Variants in NGEF observed in about 807,000 individuals in gnomAD.
NGEF encodes neuronal guanine nucleotide exchange factor.
A neutral mutation model predicts 80.9 loss-of-function variants in NGEF; 31 were observed. That is an observed-to-expected ratio of 0.38 (90% CI 0.29 to 0.52). NGEF has a LOEUF of 0.52. Among genes scored for constraint, NGEF ranks in the 20% least tolerant of loss-of-function variants. The pLI is 0.84. For synonymous variants in NGEF, 371 were observed against 370.2 expected (o/e 1.00, Z -0.03); for missense variants, 709 against 926.2 (o/e 0.77, Z 3.04).
At chr2:232,985,587 A>C (rs1382757675) in intron 1 of NGEF, among the ~76,000 whole-genome samples, 1 of 151,800 alleles carries the variant, frequency 6.6e-6, no homozygotes, top group Non-Finnish European at 1.5e-5. Context: ...CCTGTCTCTA[A>C]TAAAAATACA....
rs1460230630 is a variant in NGEF, at chr2:232,927,823, C to T, written c.384-637G>A. On this transcript the variant is annotated intron_variant, in intron 3 of 14. Coordinates refer to ENST00000264051, the MANE Select transcript of NGEF (RefSeq NM_019850.3). Reference sequence around the variant, plus strand: ...AGGCCGCGCAGGGGGTGCCCGGGACCCCGGGCGCAAGCTGGGAAAGAGGCA... The same window carrying T: ...AGGCCGCGCAGGGGGTGCCCGGGACTCCGGGCGCAAGCTGGGAAAGAGGCA... The T allele has an allele frequency of 2.5e-5, 27 of 1,078,330 alleles. No individual in the cohort carries two copies. In the East Asian group the frequency reaches 7.0e-4, roughly 28 times the overall value. The allele number at this position is 1,078,330 out of a possible 1,614,324, so 66.8% of individuals were successfully genotyped here.
In NGEF at chr2:233,013,096, G is replaced by T. The variant is rs969987541; in HGVS notation, c.-103C>A. ...CCAGAGAGGAGCTCATAGGAGTTGG[G>T]CTTCCTCAGAGAGTGTTCCTCCCTC... is the stretch of plus-strand genomic sequence containing the variant. On this transcript the variant is annotated 5_prime_UTR_variant, in exon 1 of 15. Transcript: ENST00000264051. The T allele has an allele frequency of 4.2e-6, 2 of 471,012 alleles. No individual in the cohort carries two copies. The highest frequency in any genetic ancestry group is 8.8e-6 in the Non-Finnish European group (2 of 227,040). The allele number at this position is 471,012 out of a possible 1,614,324, so 29.2% of individuals were successfully genotyped here.
In NGEF at chr2:232,893,006, A is replaced by G; in HGVS notation, c.1034T>C (p.Ile345Thr). 1 of 1,613,408 alleles carries G rather than the reference A, an allele frequency of 6.2e-7. No individual in the cohort carries two copies. The highest frequency in any genetic ancestry group is 2.2e-5 in the East Asian group (1 of 44,876). The change falls in exon 7 of 15, where the codon ATC becomes ACC. Residue 345 changes from isoleucine (I) to threonine (T), a missense_variant. Physicochemically the swap from Ile to Thr is moderately conservative, Grantham distance 89. Coordinates refer to ENST00000264051, the MANE Select transcript of NGEF (RefSeq NM_019850.3). ...GTACACAATGTCACACACGTCAGAG[A>G]TGACGATGTTCTCCTCCATCCGGTG... The part of the protein sequence containing the change: ...LEHRMEENIV[I>T]SDVCDIVYRY...
intron 3 of NGEF, among the ~76,000 whole-genome samples, chr2:232,967,276 G>A (rs912305486): frequency 3.3e-5 from 5 of 152,114 alleles, no homozygotes; most frequent in African/African-American, 4.8e-5. Flanking sequence ...AGAAGCAGAT[G>A]CTGCCATATT....
rs557693775 is a variant in NGEF, at chr2:233,012,528, C to T, written c.-75+540G>A. On this transcript the variant is annotated intron_variant, in intron 1 of 14. Coordinates refer to ENST00000264051, the MANE Select transcript of NGEF (RefSeq NM_019850.3). The stretch of plus-strand genomic sequence containing the variant: ...CACTTCACGACTATGACTTCTGTTT[C>T]CCAAGTGCACTTCCTGACCCTGAGA... 54 of 233,116 alleles carry T rather than the reference C, an allele frequency of 2.3e-4. 1 individual carries two copies. The highest frequency in any genetic ancestry group is 1.3e-3 in the South Asian group (25 of 19,538). 14.4% of individuals were successfully genotyped at this position (233,116 alleles called of 1,614,324 possible).
chr2:232,924,656 G>C (rs1371089169), intron 4 of NGEF, among the ~76,000 whole-genome samples: 1 of 152,170 alleles, frequency 6.6e-6, no homozygotes, highest in Non-Finnish European at 1.5e-5. Context: ...GGCCCACCTG[G>C]AGGAGGCAAA....
chr2:232,966,431 C>T (rs1291969729), intron 3 of NGEF, among the ~76,000 whole-genome samples: 1 of 152,196 alleles, frequency 6.6e-6, no homozygotes, highest in African/African-American at 2.4e-5. Context: ...CCCTGCTCAG[C>T]CTTGGCCCTC....
intron 3 of NGEF, among the ~76,000 whole-genome samples, chr2:232,950,227 C>G (rs1438028347): frequency 6.6e-6 from 1 of 152,136 alleles, no homozygotes; most frequent in Non-Finnish European, 1.5e-5. Flanking sequence ...TATATTCTTT[C>G]TTTATGAATG....
At chr2:232,941,848 G>T (rs532619663) in intron 3 of NGEF, among the ~76,000 whole-genome samples, 1 of 152,052 alleles carries the variant, frequency 6.6e-6, no homozygotes, top group Non-Finnish European at 1.5e-5. Flanking sequence ...AAAGAATCAC[G>T]AATTCAACTT....
chr2:232,994,984 A>G, intron 1 of NGEF, among the ~76,000 whole-genome samples: 1 of 103,112 alleles, frequency 9.7e-6, no homozygotes, highest in Non-Finnish European at 2.3e-5. Flanking sequence ...ATATACATAT[A>G]TGTATAACTA....
At chr2:233,000,593 TAAA>T (rs1199229237) in intron 1 of NGEF, among the ~76,000 whole-genome samples, 1 of 151,366 alleles carries the variant, frequency 6.6e-6, no homozygotes, top group African/African-American at 2.4e-5. Flanking sequence ...CCGTCTCTAG[TAAA>T]AAAAATACAA....
At position 232,920,156 on chromosome 2, in the gene NGEF, CAACCCTGCCAGCGATTCCTCTGGTG is replaced by C; in HGVS notation, c.828+103_828+127del. 4 of 859,144 alleles carry C rather than the reference CAACCCTGCCAGCGATTCCTCTGGTG, an allele frequency of 4.7e-6. No individual in the cohort carries two copies. In the South Asian group the frequency reaches 6.7e-5, roughly 14 times the overall value. 53.2% of individuals were successfully genotyped at this position (859,144 alleles called of 1,614,324 possible). A position where few individuals can be genotyped will look rare whatever the true frequency, so the allele number is the denominator to read the frequency against. On this transcript the variant is annotated intron_variant, in intron 5 of 14. Coordinates refer to ENST00000264051, the MANE Select transcript of NGEF (RefSeq NM_019850.3). Reference sequence around the variant, plus strand: ...TATTTTTCTGCATGTTCTAGATGGACAACCCTGCCAGCGATTCCTCTGGTGAACCAGCCAGGGAACCTCACCCCCC... The same window carrying C: ...TATTTTTCTGCATGTTCTAGATGGACAACCAGCCAGGGAACCTCACCCCCC...
chr2:232,925,399 A>C (rs572034866), intron 4 of NGEF, among the ~76,000 whole-genome samples: 1 of 152,346 alleles, frequency 6.6e-6, no homozygotes, highest in East Asian at 1.9e-4. Flanking sequence ...CCCAGGAGCC[A>C]GGAAAAGACA....
chr2:232,891,770 A>G (rs1230969879), intron 7 of NGEF, among the ~76,000 whole-genome samples: 2 of 152,230 alleles, frequency 1.3e-5, no homozygotes, highest in African/African-American at 4.8e-5. Flanking sequence ...AATCAGATGC[A>G]CAATTAGATG....
intron 3 of NGEF, among the ~76,000 whole-genome samples, chr2:232,934,608 C>T (rs1693291152): frequency 6.6e-6 from 1 of 152,136 alleles, no homozygotes; most frequent in South Asian, 2.1e-4. Flanking sequence ...ATTAAAATCT[C>T]CTTTTAACTG....
chr2:232,974,596 G>A, intron 2 of NGEF, 27 bp downstream of exon 2: 1 of 1,608,420 alleles, frequency 6.2e-7, no homozygotes, highest in East Asian at 2.2e-5. Context: ...TAAGGGAACA[G>A]CCGTGACAGC....
intron 5 of NGEF, among the ~76,000 whole-genome samples, chr2:232,897,822 A>G (rs1440297075): frequency 6.6e-6 from 1 of 151,282 alleles, no homozygotes; most frequent in Non-Finnish European, 1.5e-5. Context: ...AAAAGCAGCC[A>G]CAGCAAGCAC....
chr2:232,971,733 C>T (rs1694188232), intron 2 of NGEF, among the ~76,000 whole-genome samples: 1 of 152,158 alleles, frequency 6.6e-6, no homozygotes, highest in Admixed American at 6.5e-5. Context: ...ACATTTATGG[C>T]TGGACATAAA....
At chr2:232,993,117 A>G (rs1422146387) in intron 1 of NGEF, among the ~76,000 whole-genome samples, 3 of 40,326 alleles carry the variant, frequency 7.4e-5, no homozygotes, top group African/African-American at 1.9e-4. Context: ...ATATATATAT[A>G]TAAATAAATA....
Sources: gnomAD v4.1 joint callset for allele counts (sites outside exome capture counted in the v4.1 genomes callset) on GRCh38, gnomAD v4.1.1 for gene constraint, MANE v1.5 for transcripts, NCBI Gene and HGNC (gene_info 2026-07-23, HGNC 2026-07-21) for gene names.